SYTL3: variants seen among roughly 807,000 people sequenced by gnomAD.
The protein encoded by SYTL3 is synaptotagmin-like protein 3.
SYTL3 carries 88 observed loss-of-function variants against 82.1 expected under a neutral mutation model. That is an observed-to-expected ratio of 1.07 (90% CI 0.90 to 1.28). The LOEUF is 1.28. Among genes scored for constraint, SYTL3 ranks in the 50% most tolerant of loss-of-function variants. The pLI, the probability that SYTL3 is intolerant of heterozygous loss-of-function variation, is 0.00. For synonymous variants in SYTL3, 311 were observed against 289.4 expected (o/e 1.07, Z -0.76); for missense variants, 831 against 757.6 (o/e 1.10, Z -1.14).
intron 2 of SYTL3, among the ~76,000 whole-genome samples, chr6:158,657,425 C>CAAAAAAAAAAAAAA (rs535361947): frequency 2.5e-5 from 2 of 80,114 alleles, no homozygotes; most frequent in Admixed American, 1.5e-4. Context: ...GACTCTGGCT[C>CAAAAAAAAAAAAAA]AAAAAAAAAA....
At chr6:158,759,399 G>A (rs1417382422) in intron 14 of SYTL3, among the ~76,000 whole-genome samples, 4 of 152,222 alleles carry the variant, frequency 2.6e-5, no homozygotes, top group African/African-American at 4.8e-5. Flanking sequence ...TGGCCCACGC[G>A]GGCTCCCAGG....
upstream of SYTL3, among the ~76,000 whole-genome samples, chr6:158,647,204 A>C (rs1474461521): frequency 6.6e-6 from 1 of 152,246 alleles, no homozygotes; most frequent in Non-Finnish European, 1.5e-5. Flanking sequence ...ACATAAATCA[A>C]CAGAAAACAT....
chr6:158,713,756 T>G (rs1469264088), intron 8 of SYTL3, 44 bp from the exon 9 acceptor site: 1 of 1,417,540 alleles, frequency 7.1e-7, no homozygotes, highest in Non-Finnish European at 9.8e-7. Flanking sequence ...CAAACACAAG[T>G]CATCAAGCAT....
intron 6 of SYTL3, among the ~76,000 whole-genome samples, chr6:158,693,855 C>CTTCTCTTTTCTTT (rs1554251444): frequency 4.1e-5 from 4 of 96,864 alleles, no homozygotes; most frequent in African/African-American, 2.1e-4. Flanking sequence ...TTTTTCTTTT[C>CTTCTCTTTTCTTT]TTTTTTTTTT....
chr6:158,723,917 G>A (rs1784414115), intron 10 of SYTL3, among the ~76,000 whole-genome samples: 1 of 152,128 alleles, frequency 6.6e-6, no homozygotes, highest in Non-Finnish European at 1.5e-5. Context: ...CTGTGTCCAC[G>A]TGTCTACGTG....
At chr6:158,738,797 A>G (rs1250015938) in intron 11 of SYTL3, among the ~76,000 whole-genome samples, 1 of 152,172 alleles carries the variant, frequency 6.6e-6, no homozygotes. Flanking sequence ...AGCTGAGATG[A>G]CAGGTGTGTG....
chr6:158,730,240 C>T (rs1011925306), intron 11 of SYTL3, among the ~76,000 whole-genome samples: 25 of 152,252 alleles, frequency 1.6e-4, no homozygotes, highest in African/African-American at 5.5e-4. Flanking sequence ...ATTGTAAGGT[C>T]TGGCTCCAGC....
At position 158,713,782 on chromosome 6, in the gene SYTL3, C is replaced by A; in HGVS notation, c.517-18C>A. 1 of 1,522,350 alleles carries A rather than the reference C, an allele frequency of 6.6e-7. No homozygotes were observed. Among genetic ancestry groups the A allele is most frequent in the Non-Finnish European group, 8.9e-7 (1 of 1,120,746 alleles). The allele number at this position is 1,522,350 out of a possible 1,614,324, so 94.3% of individuals were successfully genotyped here. A position where few individuals can be genotyped will look rare whatever the true frequency, so the allele number is the denominator to read the frequency against. ...CATCAAGCATAATTCTCATTCTCTC[C>A]TTCTGTCTCTGTTTTAGTTACAGGA... is the stretch of plus-strand genomic sequence containing the variant. On this transcript the variant is annotated intron_variant, in intron 8 of 17. Coordinates refer to ENST00000611299, the MANE Select transcript of SYTL3 (RefSeq NM_001242394.2).
chr6:158,699,073 C>T (rs1351981643), intron 6 of SYTL3, among the ~76,000 whole-genome samples: 1 of 152,214 alleles, frequency 6.6e-6, no homozygotes, highest in Non-Finnish European at 1.5e-5. Flanking sequence ...CACAGGGCTG[C>T]TGTGGGGCCT....
At chr6:158,694,246 C>G (rs1780322225) in intron 6 of SYTL3, among the ~76,000 whole-genome samples, 1 of 151,944 alleles carries the variant, frequency 6.6e-6, no homozygotes, top group Non-Finnish European at 1.5e-5. Flanking sequence ...TTGCTTTCTC[C>G]CTGTGTTTCT....
chr6:158,708,810 T>C (rs1448799121), intron 8 of SYTL3, among the ~76,000 whole-genome samples: 1 of 152,102 alleles, frequency 6.6e-6, no homozygotes, highest in East Asian at 1.9e-4. Flanking sequence ...ACCATTTCTG[T>C]CCAAAGAAAT....
At chr6:158,742,038 A>C (rs1786990542) in intron 11 of SYTL3, among the ~76,000 whole-genome samples, 1 of 152,234 alleles carries the variant, frequency 6.6e-6, no homozygotes, top group Non-Finnish European at 1.5e-5. Context: ...GACCAAATGC[A>C]TTGTGGATGT....
intron 13 of SYTL3, 34 bp from the exon 14 acceptor site, chr6:158,757,177 A>G (rs1789234708): frequency 6.3e-7 from 1 of 1,591,840 alleles, no homozygotes; most frequent in South Asian, 1.1e-5. Context: ...GGGCCCCGGG[A>G]GCCCAGCTGA....
At chr6:158,717,534 T>G (rs1407496092) in intron 9 of SYTL3, among the ~76,000 whole-genome samples, 1 of 152,154 alleles carries the variant, frequency 6.6e-6, no homozygotes, top group African/African-American at 2.4e-5. Flanking sequence ...CAAACTTTCT[T>G]CATCTTTACT....
intron 13 of SYTL3, among the ~76,000 whole-genome samples, chr6:158,753,184 C>T (rs1031978156): frequency 6.7e-6 from 1 of 149,092 alleles, no homozygotes; most frequent in Non-Finnish European, 1.5e-5. Context: ...CAGGTTCAAG[C>T]GATTCTCCTG....
At chr6:158,731,299 A>G (rs1785379879) in intron 11 of SYTL3, among the ~76,000 whole-genome samples, 1 of 152,098 alleles carries the variant, frequency 6.6e-6, no homozygotes, top group African/African-American at 2.4e-5. Flanking sequence ...AAAACAAAAC[A>G]AAAAAACTAA....
chr6:158,693,438 A>C (rs1403530026), intron 6 of SYTL3, among the ~76,000 whole-genome samples: 1 of 152,114 alleles, frequency 6.6e-6, no homozygotes, highest in African/African-American at 2.4e-5. Flanking sequence ...CCCAGGCTGG[A>C]GTGCAGTGGT....
At chr6:158,718,337 A>G in intron 10 of SYTL3, 126 bp downstream of exon 10, 2 of 1,150,150 alleles carry the variant, frequency 1.7e-6, no homozygotes, top group South Asian at 4.8e-5. Flanking sequence ...AGCCATCAGA[A>G]AAACATAATT....
At position 158,680,519 on chromosome 6, in the gene SYTL3, G is replaced by C. The variant is rs564366729; in HGVS notation, c.330-2406G>C. 2.8e-3 allele frequency among the ~76,000 whole-genome samples: 409 copies of C among 146,662 alleles called. 1 individual carries two copies. Among genetic ancestry groups the C allele is most frequent in the Non-Finnish European group, 5.0e-3 (339 of 67,534 alleles). On this transcript the variant is annotated intron_variant, in intron 5 of 17. Transcript: ENST00000611299. ...TTTGGGAGGCCAAGGCAGGTGGATT[G>C]CTTGAGCTCAGCAGTTTGAGACCAG...
Sources: allele counts gnomAD v4.1 joint callset (sites outside exome capture counted in the v4.1 genomes callset), GRCh38; gene constraint gnomAD v4.1.1; transcripts MANE v1.5; gene names NCBI Gene and HGNC (gene_info 2026-07-23, HGNC 2026-07-21).